The following TMEM117 variants were observed in gnomAD, a reference collection of about 807,000 sequenced individuals.
TMEM117 encodes transmembrane protein 117.
Under a neutral mutation model 52.4 loss-of-function variants are expected in TMEM117, and 27 were observed. The observed-to-expected ratio is 0.51, with a 90% CI of 0.38 to 0.71. The LOEUF is 0.71. Ranked by LOEUF, TMEM117 falls within the 30% of genes least tolerant of loss-of-function variation. The pLI is 0.00. For synonymous variants in TMEM117, 215 were observed against 206.3 expected (o/e 1.04, Z -0.36); for missense variants, 556 against 630.5 (o/e 0.88, Z 1.26).
chr12:44,009,003 G>C, intron 3 of TMEM117: 1 of 362,728 alleles, frequency 2.8e-6, no homozygotes, highest in Non-Finnish European at 5.5e-6. Flanking sequence ...TGAATTCTCT[G>C]GTACTTAATA....
chr12:43,824,680 A>C, the TMEM117 span, among the ~76,000 whole-genome samples: 774 of 152,324 alleles, frequency 5.1e-3, 11 homozygotes, highest in African/African-American at 0.018. Context: ...TCACGACTGT[A>C]ATCCTAGCAC....
intron 2 of TMEM117, among the ~76,000 whole-genome samples, chr12:43,887,877 G>C (rs1367926050): frequency 6.6e-6 from 1 of 152,198 alleles, no homozygotes; most frequent in Non-Finnish European, 1.5e-5. Flanking sequence ...TTATGTGGCT[G>C]CAGGTGAGAC....
intron 3 of TMEM117, among the ~76,000 whole-genome samples, chr12:43,976,467 A>G (rs1313519127): frequency 6.6e-6 from 1 of 152,170 alleles, no homozygotes; most frequent in Non-Finnish European, 1.5e-5. Flanking sequence ...TGGAGCAAAC[A>G]CAATTTGTGG....
chr12:44,135,080 C>T (rs933638639), intron 3 of TMEM117, among the ~76,000 whole-genome samples: 1 of 152,154 alleles, frequency 6.6e-6, no homozygotes, highest in African/African-American at 2.4e-5. Flanking sequence ...CTGCAGATTA[C>T]AGGGGATAAA....
intron 4 of TMEM117, among the ~76,000 whole-genome samples, chr12:44,165,945 A>G (rs538847931): frequency 1.8e-4 from 28 of 152,336 alleles, no homozygotes; most frequent in African/African-American, 4.3e-4. Flanking sequence ...AGCACATGAA[A>G]CATTCTCTAT....
Position 43,860,734 on chromosome 12 carries a change from G to A in TMEM117, c.277+15806G>A, listed in dbSNP as rs377253891. Among the ~76,000 whole-genome samples the A allele has an allele frequency of 1.1e-4, 17 of 152,194 alleles. 1 individual carries two copies. In the East Asian group the frequency reaches 2.1e-3, roughly 19 times the overall value. On this transcript the variant is annotated intron_variant, in intron 2 of 7. Transcript: ENST00000266534. ...TAGGAGGAGAAGTGGAGGGAGGTGGGACAGCCGGTCATAGGTTTTATAACA... is the reference window on the plus strand; with the variant it reads ...TAGGAGGAGAAGTGGAGGGAGGTGGAACAGCCGGTCATAGGTTTTATAACA...
chr12:43,993,426 C>T (rs1349137780), intron 3 of TMEM117, among the ~76,000 whole-genome samples: 1 of 152,122 alleles, frequency 6.6e-6, no homozygotes, highest in Non-Finnish European at 1.5e-5. Context: ...TCAAGGGATC[C>T]TTAACTCTTT....
the TMEM117 span, among the ~76,000 whole-genome samples, chr12:43,803,849 T>C: frequency 6.6e-6 from 1 of 152,112 alleles, no homozygotes; most frequent in Admixed American, 6.5e-5. Context: ...TTTTCAGATA[T>C]TTAAGAAATT....
chr12:43,919,361 G>T (rs1244712877), intron 2 of TMEM117, among the ~76,000 whole-genome samples: 1 of 152,122 alleles, frequency 6.6e-6, no homozygotes, highest in Non-Finnish European at 1.5e-5. Flanking sequence ...GACTGTTGTA[G>T]ATACTTCATA....
chr12:44,026,359 G>A (rs1946533261), intron 3 of TMEM117, among the ~76,000 whole-genome samples: 3 of 152,038 alleles, frequency 2.0e-5, no homozygotes, highest in African/African-American at 7.3e-5. Context: ...AAAACCTGGG[G>A]ACCCACTTCA....
At chr12:44,133,966 A>G (rs1226455615) in intron 3 of TMEM117, among the ~76,000 whole-genome samples, 2 of 152,074 alleles carry the variant, frequency 1.3e-5, no homozygotes, top group Non-Finnish European at 2.9e-5. Context: ...AGACCTATAA[A>G]ATACCTTTGG....
chr12:44,217,488 G>C (rs1420501551), intron 5 of TMEM117, among the ~76,000 whole-genome samples: 1 of 152,154 alleles, frequency 6.6e-6, no homozygotes, highest in Non-Finnish European at 1.5e-5. Context: ...CATTTCCCCT[G>C]CTGTCCAGAG....
chr12:44,330,976 A>G (rs1457831685), intron 6 of TMEM117, among the ~76,000 whole-genome samples: 1 of 152,048 alleles, frequency 6.6e-6, no homozygotes, highest in East Asian at 1.9e-4. Flanking sequence ...CAGCTAAACT[A>G]TAAGTTTAAA....
intron 2 of TMEM117, among the ~76,000 whole-genome samples, chr12:43,893,652 G>C (rs1157389461): frequency 6.6e-6 from 1 of 152,044 alleles, no homozygotes; most frequent in Non-Finnish European, 1.5e-5. Flanking sequence ...AATGTTACCT[G>C]TTCTTCAAAA....
chr12:44,298,862 TCTAA>T (rs1239060696), intron 5 of TMEM117, among the ~76,000 whole-genome samples: 1 of 150,646 alleles, frequency 6.6e-6, no homozygotes, highest in East Asian at 1.9e-4. Context: ...ATGAGTCTGG[TCTAA>T]CTATCCCTCT....
intron 3 of TMEM117, among the ~76,000 whole-genome samples, chr12:43,993,376 C>T (rs1945974654): frequency 6.6e-6 from 1 of 152,194 alleles, no homozygotes; most frequent in Non-Finnish European, 1.5e-5. Context: ...GTGTTTGTTA[C>T]ACTTATCATT....
chr12:44,260,819 AGAG>A (rs1950312006), intron 5 of TMEM117, among the ~76,000 whole-genome samples: 1 of 152,196 alleles, frequency 6.6e-6, no homozygotes, highest in Non-Finnish European at 1.5e-5. Flanking sequence ...CCTGGCAGTG[AGAG>A]GAGAGGCAGA....
At chr12:43,997,557 C>G (rs1303080966) in intron 3 of TMEM117, among the ~76,000 whole-genome samples, 1 of 152,164 alleles carries the variant, frequency 6.6e-6, no homozygotes, top group East Asian at 1.9e-4. Flanking sequence ...TCCTCCAATT[C>G]TATTCCCCTT....
rs540838073 is a variant in TMEM117 at position 43,875,166 on chromosome 12, C to T, written c.277+30238C>T. ...AAGTTAAATACAAACAGCTTCTTTACAGCAGTAAGATTTGCTTAAACTCAG... is the reference window on the plus strand; with the variant it reads ...AAGTTAAATACAAACAGCTTCTTTATAGCAGTAAGATTTGCTTAAACTCAG... On this transcript the variant is annotated intron_variant, in intron 2 of 7. Transcript: ENST00000266534. Among the ~76,000 whole-genome samples the T allele has an allele frequency of 7.9e-5, 12 of 152,012 alleles. No individual in the cohort carries two copies. In the East Asian group the frequency reaches 2.1e-3, roughly 27 times the overall value.
Sources: allele counts gnomAD v4.1 joint callset (sites outside exome capture counted in the v4.1 genomes callset), GRCh38; gene constraint gnomAD v4.1.1; transcripts MANE v1.5; gene names NCBI Gene and HGNC (gene_info 2026-07-23, HGNC 2026-07-21).